ADAMTS10: variants seen among roughly 807,000 people sequenced by gnomAD.
ADAMTS10 encodes the protein A disintegrin and metalloproteinase with thrombospondin motifs 10.
Under a neutral mutation model 135.9 loss-of-function variants are expected in ADAMTS10, and 48 were observed. That is an observed-to-expected ratio of 0.35 (90% CI 0.28 to 0.45). The LOEUF (loss-of-function observed/expected upper bound fraction) is 0.45. Among genes scored for constraint, ADAMTS10 ranks in the 20% least tolerant of loss-of-function variants. ADAMTS10 has a pLI of 1.00. For synonymous variants in ADAMTS10, 621 were observed against 647.5 expected (o/e 0.96, Z 0.62); for missense variants, 1,131 against 1,565.2 (o/e 0.72, Z 4.68).
chr19:8,605,777 C>T lies in ADAMTS10; in HGVS notation c.-67G>A. 1 of 1,547,492 alleles carries T rather than the reference C, an allele frequency of 6.5e-7. No individual in the cohort carries two copies. On this transcript the variant is annotated 5_prime_UTR_variant, in exon 3 of 26. Transcript: ENST00000597188. This position sits in a 1 kb window ranked among gnomAD's most constrained non-coding sequence, Gnocchi z 7.7. The stretch of plus-strand genomic sequence containing the variant: ...CGGCAGCCCCCACAGTGCCGCCTCC[C>T]CTGTTCACAGCCTTCGCAGCATCAC...
Position 8,605,798 on chromosome 19 carries a change from A to G in ADAMTS10, c.-88T>C. The G allele has an allele frequency of 6.6e-7, 1 of 1,524,318 alleles. No homozygotes were observed. The highest frequency in any genetic ancestry group is 8.8e-7 in the Non-Finnish European group (1 of 1,137,862). The allele number at this position is 1,524,318 out of a possible 1,614,324, so 94.4% of individuals were successfully genotyped here. On this transcript the variant is annotated 5_prime_UTR_variant, in exon 3 of 26. An upstream start codon of the reference 5' UTR is lost. Transcript: ENST00000597188. This position sits in a 1 kb window ranked among gnomAD's most constrained non-coding sequence, Gnocchi z 7.7. ...CTCCCCTGTTCACAGCCTTCGCAGC[A>G]TCACCGGGCTCCTGGGAGGGGGGAG... is the stretch of plus-strand genomic sequence containing the variant.
intron 5 of ADAMTS10, among the ~76,000 whole-genome samples, chr19:8,602,988 T>A (rs774991363): frequency 6.6e-6 from 1 of 152,184 alleles, no homozygotes; most frequent in Non-Finnish European, 1.5e-5. Context: ...ATAGCTTTCC[T>A]TCTCTCTCAT....
chr19:8,591,451 T>G (rs1600103723), intron 15 of ADAMTS10, among the ~76,000 whole-genome samples: 2 of 150,294 alleles, frequency 1.3e-5, no homozygotes, highest in East Asian at 1.9e-4. Context: ...TGTTTTTTTT[T>G]TTTTTTTTGA....
At chr19:8,591,262 G>A (rs1325598158) in intron 15 of ADAMTS10, among the ~76,000 whole-genome samples, 1 of 151,878 alleles carries the variant, frequency 6.6e-6, no homozygotes, top group Non-Finnish European at 1.5e-5. Flanking sequence ...ATTTCAAGGT[G>A]GGGGCTTGTA....
intron 6 of ADAMTS10, 25 bp from the exon 7 acceptor site, chr19:8,597,342 C>T (rs1239692403): frequency 6.2e-7 from 1 of 1,608,508 alleles, no homozygotes; most frequent in Admixed American, 1.7e-5. Context: ...ACAAGAGAGA[C>T]CGAGTCTTAA....
At position 8,588,255 on chromosome 19, in the gene ADAMTS10, A is replaced by AT. The variant is rs1205105884; in HGVS notation, c.2158+986dup. Among the ~76,000 whole-genome samples the AT allele has an allele frequency of 4.2e-3, 616 of 147,642 alleles. 3 individuals are homozygous for AT. Among genetic ancestry groups the AT allele is most frequent in the East Asian group, 0.014 (71 of 4,990 alleles). ...AGATTGAGACTCTGTCTCAAAAAAA[A>AT]TTTTTTTTTTTGTAGAGTTGGGGTC... On this transcript the variant is annotated intron_variant, in intron 18 of 25. Coordinates refer to ENST00000597188, the MANE Select transcript of ADAMTS10 (RefSeq NM_030957.4).
chr19:8,593,080 A>C, intron 12 of ADAMTS10: 1 of 617,712 alleles, frequency 1.6e-6, no homozygotes, highest in East Asian at 2.8e-5. Flanking sequence ...CCATTTATGG[A>C]GCACTTTATA....
Position 8,592,858 on chromosome 19 carries a change from C to T in ADAMTS10, c.1492G>A (p.Glu498Lys). ...RQCKYGEVCS[E>K]LWCLSKSNRC... is the part of the protein sequence containing the mutation. ...TTGCTCTTGCTCAGACACCACAGCTCGCTGCAGACCTCCTGCGGGCCGAGG... is the reference window on the plus strand; with the variant it reads ...TTGCTCTTGCTCAGACACCACAGCTTGCTGCAGACCTCCTGCGGGCCGAGG... Residue 498 changes from glutamate to lysine, a missense_variant, in exon 13 of 26, where the codon GAG (glutamate) becomes AAG (lysine). By Grantham distance (56) the Glu-to-Lys change is moderately conservative. Coordinates refer to ENST00000597188, the MANE Select transcript of ADAMTS10 (RefSeq NM_030957.4). 2 of 1,611,928 alleles carry T rather than the reference C, an allele frequency of 1.2e-6. No homozygotes were observed. The highest frequency in any genetic ancestry group is 8.5e-7 in the Non-Finnish European group (1 of 1,179,798).
At chr19:8,595,947 T>C (rs2042598554) in intron 11 of ADAMTS10, 44 bp from the exon 12 acceptor site, 1 of 1,613,778 alleles carries the variant, frequency 6.2e-7, no homozygotes, top group Non-Finnish European at 8.5e-7. Flanking sequence ...TGGCTGCAAA[T>C]CAAGAGCTCA....
In ADAMTS10 at chr19:8,580,866, G is replaced by T. The variant is rs782153013; in HGVS notation, c.*27C>A. ...AGGGCTGGCGGCGGAGACCCCGCCA[G>T]CTGTGGCTCCGGGTGCCGCGCGCCC... On this transcript the variant is annotated 3_prime_UTR_variant, in exon 26 of 26. Coordinates refer to ENST00000597188, the MANE Select transcript of ADAMTS10 (RefSeq NM_030957.4). The T allele has an allele frequency of 1.3e-6, 2 of 1,560,144 alleles. No individual in the cohort carries two copies. Among genetic ancestry groups the T allele is most frequent in the Non-Finnish European group, 8.7e-7 (1 of 1,146,794 alleles).
At chr19:8,599,330 CATCT>C (rs76919452) in intron 6 of ADAMTS10, among the ~76,000 whole-genome samples, 61,345 of 151,320 alleles carry the variant, frequency 0.41, 14,021 homozygotes, top group East Asian at 0.81. Context: ...ACCTATCTAT[CATCT>C]ATCTATCTAT....
Position 8,585,477 on chromosome 19 carries a change from C to A in ADAMTS10, c.2844G>T (p.Trp948Cys). 1 of 1,537,012 alleles carries A rather than the reference C, an allele frequency of 6.5e-7. No homozygotes were observed. The highest frequency in any genetic ancestry group is 8.8e-7 in the Non-Finnish European group (1 of 1,139,700). The part of the protein sequence containing the change: ...ACHGPTCPPE[W>C]AALDWSECTP... ...TGACCTCAGACCAGTCGAGGGCCGC[C>A]CACTCCGGAGGGCAAGTGGGGCCGT... The change falls in exon 23 of 26, where the codon TGG becomes TGT. Residue 948 changes from tryptophan (W) to cysteine (C), a missense_variant. Trp to Cys is a radical substitution (Grantham distance 215, BLOSUM62 -2). This residue lies in a region of ADAMTS10 where 745 missense variants were observed against 1,056.3 expected (regional missense o/e 0.71). Coordinates refer to ENST00000597188, the MANE Select transcript of ADAMTS10 (RefSeq NM_030957.4).
chr19:8,605,132 C>G lies in ADAMTS10; in HGVS notation c.315G>C (p.Glu105Asp). 1 of 1,613,742 alleles carries G rather than the reference C, an allele frequency of 6.2e-7. No individual in the cohort carries two copies. Among genetic ancestry groups the G allele is most frequent in the Non-Finnish European group, 8.5e-7 (1 of 1,179,908 alleles). ...AGGCCAGGCCCTCCCGTGTCCAGTA[C>G]TCCACGGAGACGTGCCCTGCCAGTA... is the stretch of plus-strand genomic sequence containing the variant. The part of the protein sequence containing the change: ...SRLLAGHVSV[E>D]YWTREGLAWQ... Residue 105 changes from glutamate (E) to aspartate (D), a missense_variant, in exon 4 of 26, where the codon GAG becomes GAC. By Grantham distance (45) the Glu-to-Asp change is conservative. This residue lies in a region of ADAMTS10 where 306 missense variants were observed against 344.4 expected (regional missense o/e 0.89). Transcript: ENST00000597188. The surrounding 1 kb of genome is among the most constrained non-coding windows in gnomAD (Gnocchi z 7.7).
At chr19:8,610,615 A>AC (rs1412482148) in intron 1 of ADAMTS10, 29 bp downstream of exon 1, 1 of 150,374 alleles carries the variant, frequency 6.7e-6, no homozygotes, top group Non-Finnish European at 1.5e-5. Context: ...TGAATCACGC[A>AC]CCCCCGGGCC....
chr19:8,600,972 C>G lies in ADAMTS10; in HGVS notation c.766G>C (p.Gly256Arg), dbSNP rs782582238. ...VADKMMVAYH[G>R]RRDVEQYVLA... is the part of the protein sequence containing the mutation. ...ACATACTGCTCCACATCCCGGCGCC[C>G]GTGATAGGCCACCATCATCTTGTCA... Residue 256 changes from glycine (G) to arginine (R), a missense_variant, in exon 6 of 26, where the codon GGG (glycine) becomes CGG (arginine). Transcript: ENST00000597188. The G allele has an allele frequency of 1.2e-6, 2 of 1,614,170 alleles. No homozygotes were observed. The highest frequency in any genetic ancestry group is 1.1e-5 in the South Asian group (1 of 91,084).
At position 8,605,171 on chromosome 19, in the gene ADAMTS10, G is replaced by A. The variant is rs1555742283; in HGVS notation, c.276C>T (p.Thr92=). ...GCCCTGCCAGTAGACGGGAGCTGCG[G>A]GTCAGGTTCAGCAGGAAGTGGGTGC... ...SPSTHFLLNL[T]RSSRLLAGHV... The change falls in exon 4 of 26, where the codon ACC becomes ACT. Residue 92 remains threonine (T), a synonymous_variant. Coordinates refer to ENST00000597188, the MANE Select transcript of ADAMTS10 (RefSeq NM_030957.4). The surrounding 1 kb of genome is among the most constrained non-coding windows in gnomAD (Gnocchi z 7.7). 1.2e-6 allele frequency: 2 copies of A among 1,614,076 alleles called. No individual in the cohort carries two copies. The highest frequency in any genetic ancestry group is 8.5e-7 in the Non-Finnish European group (1 of 1,179,968).
rs2042716855 is a variant in ADAMTS10 at position 8,605,853 on chromosome 19, C to T, written c.-99-44G>A. 2 of 1,450,224 alleles carry T rather than the reference C, an allele frequency of 1.4e-6. No homozygotes were observed. Among genetic ancestry groups the T allele is most frequent in the South Asian group, 2.8e-5 (2 of 72,104 alleles). The allele number at this position is 1,450,224 out of a possible 1,614,324, so 89.8% of individuals were successfully genotyped here. On this transcript the variant is annotated intron_variant, in intron 2 of 25. Transcript: ENST00000597188. The surrounding 1 kb of genome is among the most constrained non-coding windows in gnomAD (Gnocchi z 7.7). ...GTAAGGGGGCGCCTGGTCCCGCTGT[C>T]CAGCACAACCAATGCCAAGGCCAAT...
Position 8,596,440 on chromosome 19 carries a change from G to T in ADAMTS10, c.1085-28C>A. ...GGGAAGACGGACATGTGGGGATGGG[G>T]CTGGGAGGCTCAGGACGGTGCTGGC... On this transcript the variant is annotated intron_variant, in intron 9 of 25. Coordinates refer to ENST00000597188, the MANE Select transcript of ADAMTS10 (RefSeq NM_030957.4). The surrounding 1 kb of genome is among the most constrained non-coding windows in gnomAD (Gnocchi z 7.2). 1 of 1,613,612 alleles carries T rather than the reference G, an allele frequency of 6.2e-7. No homozygotes were observed. Among genetic ancestry groups the T allele is most frequent in the Non-Finnish European group, 8.5e-7 (1 of 1,179,732 alleles).
intron 18 of ADAMTS10, among the ~76,000 whole-genome samples, chr19:8,587,356 T>TTTC (rs2042450151): frequency 6.9e-6 from 1 of 145,370 alleles, no homozygotes; most frequent in Non-Finnish European, 1.5e-5. Flanking sequence ...TTTTTTTTTT[T>TTTC]GTAGAGTTGG....
Sources: allele counts gnomAD v4.1 joint callset (sites outside exome capture counted in the v4.1 genomes callset), GRCh38; gene constraint gnomAD v4.1.1; regional missense constraint gnomAD v4.1.1; non-coding constraint Gnocchi (gnomAD v3.1); transcripts MANE v1.5; gene names NCBI Gene and HGNC (gene_info 2026-07-23, HGNC 2026-07-21).